GSDME: variants seen among roughly 807,000 people sequenced by gnomAD.
GSDME encodes gasdermin E, also known as gasdermin-E.
In GSDME, 44 loss-of-function variants were observed where a neutral mutation model predicts 47.5. The observed-to-expected ratio is 0.93, with a 90% confidence interval of 0.73 to 1.19. The LOEUF is 1.19. GSDME is among the 50% of genes most tolerant of loss of function. The pLI is 0.00. For missense variants in GSDME, 663 were observed against 604.2 expected, an observed-to-expected ratio of 1.10 and a Z score of -1.02; for synonymous variants, 258 against 252.8, an observed-to-expected ratio of 1.02 and a Z score of -0.20.
intron 3 of GSDME, among the ~76,000 whole-genome samples, chr7:24,730,805 G>A (rs966219700): frequency 1.3e-5 from 2 of 152,098 alleles, no homozygotes; most frequent in African/African-American, 4.8e-5. Context: ...ACAGCAGAGT[G>A]AGACTCCGTC....
chr7:24,779,932 C>A, the GSDME span, among the ~76,000 whole-genome samples: 1 of 152,256 alleles, frequency 6.6e-6, no homozygotes, highest in African/African-American at 2.4e-5. This position sits in a 1 kb window ranked among gnomAD's most constrained non-coding sequence, Gnocchi z 6.0. Flanking sequence ...AGAACTTTAT[C>A]CCACGCCCAT....
the GSDME span, among the ~76,000 whole-genome samples, chr7:24,785,051 AGACAGTGCTTT>A: frequency 6.6e-6 from 1 of 152,242 alleles, no homozygotes; most frequent in South Asian, 2.1e-4. Context: ...AGGCACCTAT[AGACAGTGCTTT>A]GGGTAAAGTA....
At chr7:24,788,944 T>A in the GSDME span, among the ~76,000 whole-genome samples, 2 of 152,228 alleles carry the variant, frequency 1.3e-5, no homozygotes, top group Non-Finnish European at 2.9e-5. The surrounding 1 kb of genome is among the most constrained non-coding windows in gnomAD (Gnocchi z 4.6). Flanking sequence ...CCACTAACTG[T>A]TATGCAAATG....
chr7:24,703,024 T>C (rs1463119243), intron 8 of GSDME, 191 bp from the exon 9 acceptor site: 1 of 540,716 alleles, frequency 1.8e-6, no homozygotes. Context: ...AAAACAGATG[T>C]AGGAACCCAG....
Position 24,744,923 on chromosome 7 carries a change from C to CGTGTGTGTGTGTGTGTGTGTGTGT in GSDME, c.212-193_212-170dup, listed in dbSNP as rs3038356. 4.3e-5 allele frequency among the ~76,000 whole-genome samples: 6 copies of CGTGTGTGTGTGTGTGTGTGTGTGT among 140,110 alleles called. No homozygotes were observed. The highest frequency in any genetic ancestry group is 1.6e-4 in the African/African-American group (6 of 37,056). The allele number at this position is 140,110 out of a possible 152,430, so 91.9% of individuals were successfully genotyped here. A position where few individuals can be genotyped will look rare whatever the true frequency, so the allele number is the denominator to read the frequency against. On this transcript the variant is annotated intron_variant, in intron 2 of 9. Transcript: ENST00000645220. This position sits in a 1 kb window ranked among gnomAD's most constrained non-coding sequence, Gnocchi z 4.5. ...GTGTGGGCAAGAAAACAGGGCAGCA[C>CGTGTGTGTGTGTGTGTGTGTGTGT]GTGTGTGTGTGTGTGTGTGTGTGTG...
At position 24,756,901 on chromosome 7, in the gene GSDME, T is replaced by C. The variant is rs1298858156; in HGVS notation, c.-20+495A>G. ...GGAGCAAAGTGGAGGGGGACTTTTT[T>C]CCGTCCAGAGAGACTGAACTCCGTA... On this transcript the variant is annotated intron_variant, in intron 1 of 9. Coordinates refer to ENST00000645220, the MANE Select transcript of GSDME (RefSeq NM_001127453.2). The surrounding 1 kb of genome is among the most constrained non-coding windows in gnomAD (Gnocchi z 4.2). 6.6e-6 allele frequency among the ~76,000 whole-genome samples: 1 copy of C among 152,062 alleles called. No individual in the cohort carries two copies. Among genetic ancestry groups the C allele is most frequent in the Non-Finnish European group, 1.5e-5 (1 of 68,002 alleles).
At chr7:24,789,790 T>G in the GSDME span, among the ~76,000 whole-genome samples, 1 of 152,222 alleles carries the variant, frequency 6.6e-6, no homozygotes, top group Non-Finnish European at 1.5e-5. Flanking sequence ...AGTTCTCACT[T>G]TCATTCTCAC....
chr7:24,722,349 G>T (rs2237316), intron 3 of GSDME, among the ~76,000 whole-genome samples: 41,827 of 152,148 alleles, frequency 0.27, 6,662 homozygotes, highest in African/African-American at 0.43. Flanking sequence ...TAGCAGATGC[G>T]ATCTTCCTAA....
the GSDME span, among the ~76,000 whole-genome samples, chr7:24,789,897 A>G: frequency 6.6e-6 from 1 of 152,162 alleles, no homozygotes; most frequent in African/African-American, 2.4e-5. Flanking sequence ...AAGGTTTTTT[A>G]TCATTTGAAG....
the GSDME span, among the ~76,000 whole-genome samples, chr7:24,763,239 C>T: frequency 1.3e-5 from 2 of 152,050 alleles, no homozygotes; most frequent in African/African-American, 2.4e-5. This position sits in a 1 kb window ranked among gnomAD's most constrained non-coding sequence, Gnocchi z 4.3. Flanking sequence ...TCTTTAGTTT[C>T]ACAGAGAGAT....
At position 24,744,847 on chromosome 7, in the gene GSDME, C is replaced by G. The variant is rs375626045; in HGVS notation, c.212-93G>C. 2.9e-6 allele frequency: 4 copies of G among 1,399,490 alleles called. No homozygotes were observed. Among genetic ancestry groups the G allele is most frequent in the South Asian group, 1.2e-5 (1 of 82,174 alleles). 86.7% of individuals were successfully genotyped at this position (1,399,490 alleles called of 1,614,324 possible). A position where few individuals can be genotyped will look rare whatever the true frequency, so the allele number is the denominator to read the frequency against. On this transcript the variant is annotated intron_variant, in intron 2 of 9. Transcript: ENST00000645220. The surrounding 1 kb of genome is among the most constrained non-coding windows in gnomAD (Gnocchi z 4.5). The stretch of plus-strand genomic sequence containing the variant: ...AGCTTTCCAAGCCTGTGCAGAGCCC[C>G]GGAAAGCAGAAGGCTGGCACTCAGA...
chr7:24,760,443 C>G (rs553916111), upstream of GSDME, among the ~76,000 whole-genome samples: 1 of 152,170 alleles, frequency 6.6e-6, no homozygotes, highest in Non-Finnish European at 1.5e-5. The surrounding 1 kb of genome is among the most constrained non-coding windows in gnomAD (Gnocchi z 4.2). Context: ...TCCAGCCTAC[C>G]ACTTACCAGC....
At chr7:24,764,226 C>T in the GSDME span, among the ~76,000 whole-genome samples, 1 of 152,198 alleles carries the variant, frequency 6.6e-6, no homozygotes, top group African/African-American at 2.4e-5. This position sits in a 1 kb window ranked among gnomAD's most constrained non-coding sequence, Gnocchi z 4.4. Flanking sequence ...CTGACTCAAT[C>T]TTGACTGATT....
At chr7:24,746,515 G>C (rs979606262) in intron 2 of GSDME, among the ~76,000 whole-genome samples, 4 of 152,130 alleles carry the variant, frequency 2.6e-5, no homozygotes, top group Non-Finnish European at 5.9e-5. Context: ...ACTGTGTTTA[G>C]GCCACAGAAA....
At position 24,754,170 on chromosome 7, in the gene GSDME, G is replaced by A. The variant is rs185015559; in HGVS notation, c.-20+3226C>T. Among the ~76,000 whole-genome samples the A allele has an allele frequency of 5.5e-4, 83 of 152,270 alleles. 1 individual carries two copies. The highest frequency in any genetic ancestry group is 6.5e-4 in the Admixed American group (10 of 15,288). On this transcript the variant is annotated intron_variant, in intron 1 of 9. Coordinates refer to ENST00000645220, the MANE Select transcript of GSDME (RefSeq NM_001127453.2). The surrounding 1 kb of genome is among the most constrained non-coding windows in gnomAD (Gnocchi z 5.0). ...ACTTCACAGTTGTTACATAGATCAC[G>A]GACTCTCGCACAGAGCCTTAAAAGT...
chr7:24,747,322 A>G (rs1189094776), intron 2 of GSDME, among the ~76,000 whole-genome samples: 1 of 152,260 alleles, frequency 6.6e-6, no homozygotes, highest in East Asian at 1.9e-4. Context: ...GACTGGAGAC[A>G]GCACTGGCTG....
Position 24,698,919 on chromosome 7 carries a change from G to A in GSDME, c.*107C>T. 2.4e-6 allele frequency: 2 copies of A among 839,286 alleles called. No individual in the cohort carries two copies. Among genetic ancestry groups the A allele is most frequent in the Non-Finnish European group, 2.0e-6 (1 of 499,524 alleles). 52.0% of individuals were successfully genotyped at this position (839,286 alleles called of 1,614,324 possible). Reference sequence around the variant, plus strand: ...GCAAAATGTCACCACTTCTTAAACTGTTCTGTAAATTCATTTCATTGGTCA... The same window carrying A: ...GCAAAATGTCACCACTTCTTAAACTATTCTGTAAATTCATTTCATTGGTCA... On this transcript the variant is annotated 3_prime_UTR_variant, in exon 10 of 10. Coordinates refer to ENST00000645220, the MANE Select transcript of GSDME (RefSeq NM_001127453.2).
chr7:24,702,724 T>C (rs1788920829), intron 9 of GSDME, 36 bp downstream of exon 9: 2 of 1,578,960 alleles, frequency 1.3e-6, no homozygotes, highest in South Asian at 1.1e-5. Context: ...TCCCCATTCC[T>C]ATCCATTCTA....
chr7:24,787,240 G>C, the GSDME span, among the ~76,000 whole-genome samples: 1 of 152,214 alleles, frequency 6.6e-6, no homozygotes, highest in African/African-American at 2.4e-5. The surrounding 1 kb of genome is among the most constrained non-coding windows in gnomAD (Gnocchi z 5.0). Flanking sequence ...GTCCTCTCAT[G>C]TGCATCCAAC....
Sources: allele counts gnomAD v4.1 joint callset (sites outside exome capture counted in the v4.1 genomes callset), GRCh38; gene constraint gnomAD v4.1.1; non-coding constraint Gnocchi (gnomAD v3.1); transcripts MANE v1.5; gene names NCBI Gene and HGNC (gene_info 2026-07-23, HGNC 2026-07-21).